Variants in RPRD2 observed in about 807,000 individuals in gnomAD.
The protein encoded by RPRD2 is regulation of nuclear pre-mRNA domain containing 2, also known as regulation of nuclear pre-mRNA domain-containing protein 2.
A neutral mutation model predicts 104.4 loss-of-function variants in RPRD2; 12 were observed. The ratio of observed to expected loss-of-function variants is 0.11; its 90% CI spans 0.07 to 0.19. RPRD2 has a LOEUF of 0.19. RPRD2 is among the 10% of genes least tolerant of loss of function. The probability of loss-of-function intolerance (pLI) is 1.00; values close to 1 mark genes in which losing one functional copy is unlikely to be tolerated. For missense variants in RPRD2, 1,543 were observed against 1,790.1 expected, an observed-to-expected ratio of 0.86 and a Z score of 2.49; for synonymous variants, 714 against 684.9, an observed-to-expected ratio of 1.04 and a Z score of -0.66.
chr1:150,470,767 A>C lies in RPRD2; in HGVS notation c.1819A>C (p.Ser607Arg). The C allele has an allele frequency of 6.2e-7, 1 of 1,614,080 alleles. No individual in the cohort carries two copies. Among genetic ancestry groups the C allele is most frequent in the Non-Finnish European group, 8.5e-7 (1 of 1,179,906 alleles). ...STSEVSSTSA[S>R]KASIGQSPGL... is the part of the protein sequence containing the mutation. ...TTCTGAAGTCTCTTCAACTTCAGCCAGCAAGGCCTCAATTGGGCAAAGCCC... is the reference window on the plus strand; with the variant it reads ...TTCTGAAGTCTCTTCAACTTCAGCCCGCAAGGCCTCAATTGGGCAAAGCCC... The change falls in exon 11 of 11, where the codon AGC becomes CGC. Residue 607 changes from serine (S) to arginine (R), a missense_variant. This residue lies in a region of RPRD2 where 572 missense variants were observed against 787.3 expected (regional missense o/e 0.73). Transcript: ENST00000369068.
intron 1 of RPRD2, among the ~76,000 whole-genome samples, chr1:150,374,433 A>G (rs111309600): frequency 6.6e-6 from 1 of 152,268 alleles, no homozygotes; most frequent in South Asian, 2.1e-4. Flanking sequence ...GAGCTGCTCA[A>G]GCAAATTAAT....
In RPRD2 at chr1:150,439,378, G is replaced by A. The variant is rs782647314; in HGVS notation, c.336-1545G>A. Among the ~76,000 whole-genome samples, 9 of 145,344 alleles carry A rather than the reference G, an allele frequency of 6.2e-5. 1 individual carries two copies. The highest frequency in any genetic ancestry group is 2.0e-4 in the African/African-American group (8 of 39,324). ...AATATTGCAATAAAGCATGTCACACGCAGGTGGATCGCTTGAGCCCAGGAG... is the reference window on the plus strand; with the variant it reads ...AATATTGCAATAAAGCATGTCACACACAGGTGGATCGCTTGAGCCCAGGAG... On this transcript the variant is annotated intron_variant, in intron 2 of 10. Coordinates refer to ENST00000369068, the MANE Select transcript of RPRD2 (RefSeq NM_015203.5).
At chr1:150,459,949 A>G in intron 8 of RPRD2, 111 bp from the exon 9 acceptor site, 1 of 899,354 alleles carries the variant, frequency 1.1e-6, no homozygotes, top group East Asian at 2.6e-5. Flanking sequence ...TGTTTTCTCT[A>G]AAGTAGTGCC....
intron 1 of RPRD2, among the ~76,000 whole-genome samples, chr1:150,413,800 C>T (rs1387896790): frequency 6.6e-6 from 1 of 150,790 alleles, no homozygotes; most frequent in African/African-American, 2.4e-5. Context: ...TGACGCATGC[C>T]TGTAATCCCA....
chr1:150,375,187 C>T (rs1248099976), intron 1 of RPRD2, among the ~76,000 whole-genome samples: 2 of 152,150 alleles, frequency 1.3e-5, no homozygotes, highest in African/African-American at 4.8e-5. Context: ...TTGTTATCTT[C>T]TTCCTTTTAG....
intron 2 of RPRD2, among the ~76,000 whole-genome samples, chr1:150,424,117 A>G (rs139184904): frequency 9.4e-4 from 143 of 152,198 alleles, no homozygotes; most frequent in African/African-American, 3.3e-3. Flanking sequence ...CTTAAATGTT[A>G]TATGTCCATA....
At chr1:150,424,851 A>C (rs1322417413) in intron 2 of RPRD2, among the ~76,000 whole-genome samples, 1 of 151,936 alleles carries the variant, frequency 6.6e-6, no homozygotes, top group Non-Finnish European at 1.5e-5. Flanking sequence ...CTTCTGTTAA[A>C]GTTTCTTCCT....
chr1:150,476,439 A>G lies in RPRD2; in HGVS notation c.*3105A>G, dbSNP rs999180217. 6.6e-6 allele frequency: 1 copy of G among 152,336 alleles called. No individual in the cohort carries two copies. Among genetic ancestry groups the G allele is most frequent in the African/African-American group, 2.4e-5 (1 of 41,574 alleles). The allele number at this position is 152,336 out of a possible 1,614,324, so 9.4% of individuals were successfully genotyped here. A position where few individuals can be genotyped will look rare whatever the true frequency, so the allele number is the denominator to read the frequency against. ...GGGCGCCTGTTAAGATCTAAAATAG[A>G]TATGTTGGATTGATATTCTCACGTG... On this transcript the variant is annotated 3_prime_UTR_variant, in exon 11 of 11. Transcript: ENST00000369068.
At chr1:150,399,875 G>T (rs1190850680) in intron 1 of RPRD2, among the ~76,000 whole-genome samples, 1 of 152,062 alleles carries the variant, frequency 6.6e-6, no homozygotes, top group Non-Finnish European at 1.5e-5. Flanking sequence ...GTTGTCTATT[G>T]TGGGTCTTTT....
At chr1:150,433,495 A>G (rs1572465861) in intron 2 of RPRD2, among the ~76,000 whole-genome samples, 1 of 119,826 alleles carries the variant, frequency 8.3e-6, no homozygotes, top group Non-Finnish European at 1.6e-5. Flanking sequence ...CCCAGGCTGG[A>G]GTGCAGTGGC....
intron 2 of RPRD2, among the ~76,000 whole-genome samples, chr1:150,427,525 G>T (rs947868382): frequency 2.6e-5 from 4 of 152,030 alleles, no homozygotes; most frequent in African/African-American, 9.7e-5. Flanking sequence ...TGGGTGTGGC[G>T]TGGTGGCTCA....
In RPRD2 at chr1:150,471,310, A is replaced by G. The variant is rs959222502; in HGVS notation, c.2362A>G (p.Thr788Ala). ...CCGAGAGCTCTCCAATTCTGTATCT[A>G]CATATCGACCCTTTGGTCTGGGCAG... ...YPRELSNSVS[T>A]YRPFGLGSES... Residue 788 changes from threonine (T) to alanine (A), a missense_variant, in exon 11 of 11, where the codon ACA becomes GCA. Coordinates refer to ENST00000369068, the MANE Select transcript of RPRD2 (RefSeq NM_015203.5). The surrounding 1 kb of genome is among the most constrained non-coding windows in gnomAD (Gnocchi z 5.3). 3 of 1,613,730 alleles carry G rather than the reference A, an allele frequency of 1.9e-6. No homozygotes were observed. In the African/African-American group the frequency reaches 4.0e-5, roughly 22 times the overall value.
chr1:150,460,463 G>GCCAAGAT, intron 9 of RPRD2, 146 bp downstream of exon 9: 1 of 834,778 alleles, frequency 1.2e-6, no homozygotes, highest in Non-Finnish European at 1.8e-6. Context: ...GAGTGCAGTG[G>GCCAAGAT]TGCAATCTTG....
intron 1 of RPRD2, among the ~76,000 whole-genome samples, chr1:150,370,841 G>T (rs1660245360): frequency 6.6e-6 from 1 of 152,022 alleles, no homozygotes; most frequent in Non-Finnish European, 1.5e-5. Flanking sequence ...TTCCCAAAGT[G>T]CTGAGATTAC....
intron 1 of RPRD2, among the ~76,000 whole-genome samples, chr1:150,394,548 T>C (rs376434666): frequency 2.0e-5 from 3 of 152,280 alleles, no homozygotes; most frequent in Admixed American, 1.3e-4. Flanking sequence ...AGGTAAAATA[T>C]AGGAATGTTT....
At chr1:150,466,635 T>C (rs1553900100) in intron 10 of RPRD2, among the ~76,000 whole-genome samples, 1 of 152,034 alleles carries the variant, frequency 6.6e-6, no homozygotes, top group East Asian at 1.9e-4. Flanking sequence ...ATTTTATTTA[T>C]TATTTTATTA....
intron 2 of RPRD2, among the ~76,000 whole-genome samples, chr1:150,421,065 A>G (rs1405528929): frequency 2.0e-5 from 3 of 152,216 alleles, no homozygotes; most frequent in African/African-American, 7.2e-5. Context: ...GCTATCTTCC[A>G]ATAAGAATAG....
chr1:150,371,296 C>T (rs587661800), intron 1 of RPRD2, among the ~76,000 whole-genome samples: 1 of 152,334 alleles, frequency 6.6e-6, no homozygotes, highest in South Asian at 2.1e-4. Context: ...TCTCACAACT[C>T]TTTTAATTAG....
chr1:150,453,170 C>T (rs1667313080), intron 7 of RPRD2, among the ~76,000 whole-genome samples: 1 of 151,772 alleles, frequency 6.6e-6, no homozygotes, highest in Non-Finnish European at 1.5e-5. Context: ...GTAGCTGGTA[C>T]TACAGGCGCA....
Sources: gnomAD v4.1 joint callset for allele counts (sites outside exome capture counted in the v4.1 genomes callset) on GRCh38, gnomAD v4.1.1 for gene constraint, gnomAD v4.1.1 regional missense constraint, Gnocchi (gnomAD v3.1) non-coding constraint, MANE v1.5 for transcripts, NCBI Gene and HGNC (gene_info 2026-07-23, HGNC 2026-07-21) for gene names.